CHN2: variants seen among roughly 807,000 people sequenced by gnomAD.
CHN2 encodes chimerin 2, also known as beta-chimaerin.
In CHN2, 35 loss-of-function variants were observed where a neutral mutation model predicts 56.3. The ratio of observed to expected loss-of-function variants is 0.62; its 90% CI spans 0.47 to 0.82. The LOEUF (loss-of-function observed/expected upper bound fraction) is 0.82. Among genes scored for constraint, CHN2 ranks in the 40% least tolerant of loss-of-function variants. CHN2 has a pLI of 0.00. For synonymous variants in CHN2, 210 were observed against 212.8 expected, an observed-to-expected ratio of 0.99 and a Z score of 0.12; for missense variants, 491 against 580.5, an observed-to-expected ratio of 0.85 and a Z score of 1.58.
intron 2 of CHN2, among the ~76,000 whole-genome samples, chr7:29,155,986 T>C (rs1480124019): frequency 6.6e-6 from 1 of 152,230 alleles, no homozygotes; most frequent in African/African-American, 2.4e-5. Context: ...CCTTGGGCTG[T>C]TAGTGAGAAA....
intron 2 of CHN2, among the ~76,000 whole-genome samples, chr7:29,165,664 G>A (rs1317449322): frequency 6.6e-6 from 1 of 152,196 alleles, no homozygotes; most frequent in Non-Finnish European, 1.5e-5. Flanking sequence ...TCACCATTAG[G>A]TGAGGTGTTA....
chr7:29,454,815 G>A (rs530804471), intron 6 of CHN2, among the ~76,000 whole-genome samples: 6 of 152,250 alleles, frequency 3.9e-5, no homozygotes, highest in South Asian at 2.1e-4. Flanking sequence ...TCACAGAAAC[G>A]CATGCTTAAA....
intron 2 of CHN2, among the ~76,000 whole-genome samples, chr7:29,366,120 A>G (rs2128038795): frequency 6.6e-6 from 1 of 152,290 alleles, no homozygotes; most frequent in South Asian, 2.1e-4. Context: ...TCAACTTTTG[A>G]CATGTTGAAG....
intron 2 of CHN2, among the ~76,000 whole-genome samples, chr7:29,361,741 A>G (rs185279347): frequency 1.8e-4 from 27 of 152,338 alleles, no homozygotes; most frequent in African/African-American, 5.8e-4. Flanking sequence ...CTGTCCAGAA[A>G]TGTTCCATCA....
intron 1 of CHN2, among the ~76,000 whole-genome samples, chr7:29,283,143 G>A (rs1417370371): frequency 6.6e-6 from 1 of 152,152 alleles, no homozygotes; most frequent in Admixed American, 6.5e-5. Flanking sequence ...TCAGTCCTGG[G>A]AATACCGTGT....
At chr7:29,282,800 G>A (rs1025130988) in intron 1 of CHN2, among the ~76,000 whole-genome samples, 4 of 152,152 alleles carry the variant, frequency 2.6e-5, no homozygotes, top group Non-Finnish European at 5.9e-5. Context: ...TCACGCGACA[G>A]AGAAAGACAT....
intron 7 of CHN2, among the ~76,000 whole-genome samples, chr7:29,482,638 A>T (rs901453890): frequency 6.6e-6 from 1 of 151,700 alleles, no homozygotes; most frequent in African/African-American, 2.4e-5. Flanking sequence ...TTAACTTCTA[A>T]TGGGCTTTAT....
chr7:29,213,050 GC>G, intron 1 of CHN2: 1 of 1,607,856 alleles, frequency 6.2e-7, no homozygotes, highest in Non-Finnish European at 8.5e-7. Flanking sequence ...CTGCAGTCCT[GC>G]ATGCAGTTCC....
At chr7:29,512,264 C>T (rs546158592) in intron 12 of CHN2, among the ~76,000 whole-genome samples, 138 of 151,920 alleles carry the variant, frequency 9.1e-4, no homozygotes, top group South Asian at 4.0e-3. Flanking sequence ...AACCAGTATT[C>T]CTCAAATGAT....
chr7:29,468,069 T>C (rs1785686103), intron 6 of CHN2, among the ~76,000 whole-genome samples: 1 of 148,974 alleles, frequency 6.7e-6, no homozygotes, highest in African/African-American at 2.5e-5. Flanking sequence ...TAGGTCATTA[T>C]AGGTCATATC....
At chr7:29,186,562 TGAAAGGAAAG>T (rs143140699) in intron 2 of CHN2, 7 of 130,352 alleles carry the variant, frequency 5.4e-5, no homozygotes, top group Non-Finnish European at 9.5e-5. Context: ...GTGACAGAGA[TGAAAGGAAAG>T]GAAAGGAAAG....
chr7:29,221,658 A>G (rs1209026266), intron 1 of CHN2, among the ~76,000 whole-genome samples: 1 of 152,036 alleles, frequency 6.6e-6, no homozygotes, highest in East Asian at 1.9e-4. Context: ...TTCCCCACAT[A>G]TGGCAATGTG....
chr7:29,449,103 ATTAAG>A (rs1441909925), intron 6 of CHN2, among the ~76,000 whole-genome samples: 1 of 152,240 alleles, frequency 6.6e-6, no homozygotes, highest in Non-Finnish European at 1.5e-5. Context: ...ACTTTGCAGC[ATTAAG>A]TTATTTGCCG....
At chr7:29,324,479 C>G (rs1017206933) in intron 1 of CHN2, among the ~76,000 whole-genome samples, 1 of 152,286 alleles carries the variant, frequency 6.6e-6, no homozygotes, top group East Asian at 1.9e-4. Context: ...TCAGCTGTTA[C>G]AATTTTTCTC....
In CHN2 at chr7:29,512,571, A is replaced by AT; in HGVS notation, c.1244dup (p.Met415IlefsTer3). ...TATATGTTTGTTTTGCAGGGTTACT[A>AT]TGAATGAAAAAGACAATTTCATGAA... On this transcript the variant is annotated frameshift_variant, in exon 13 of 13. Coordinates refer to ENST00000222792, the MANE Select transcript of CHN2 (RefSeq NM_004067.4). LOFTEE classifies it high-confidence loss of function. 2 of 1,612,134 alleles carry AT rather than the reference A, an allele frequency of 1.2e-6. No homozygotes were observed. The highest frequency in any genetic ancestry group is 1.7e-6 in the Non-Finnish European group (2 of 1,179,346).
intron 1 of CHN2, among the ~76,000 whole-genome samples, chr7:29,205,833 C>G (rs1010054057): frequency 6.6e-6 from 1 of 152,110 alleles, no homozygotes; most frequent in African/African-American, 2.4e-5. Flanking sequence ...AAAAATTATA[C>G]ACATTTTACG....
At chr7:29,230,258 A>G (rs1324817217) in intron 1 of CHN2, among the ~76,000 whole-genome samples, 1 of 152,222 alleles carries the variant, frequency 6.6e-6, no homozygotes, top group Non-Finnish European at 1.5e-5. Context: ...ATTTCTAGGG[A>G]CGCACATGGT....
At chr7:29,468,615 C>T (rs1239127725) in intron 6 of CHN2, among the ~76,000 whole-genome samples, 2 of 152,076 alleles carry the variant, frequency 1.3e-5, no homozygotes, top group African/African-American at 2.4e-5. Flanking sequence ...CTTGGCTCCC[C>T]GGTACTCCCA....
At chr7:29,355,666 C>A (rs1336125795) in intron 2 of CHN2, among the ~76,000 whole-genome samples, 1 of 151,540 alleles carries the variant, frequency 6.6e-6, no homozygotes, top group Non-Finnish European at 1.5e-5. Context: ...GCATTCCTAA[C>A]GAAGCTGCCA....
Sources: allele counts gnomAD v4.1 joint callset (sites outside exome capture counted in the v4.1 genomes callset), GRCh38; gene constraint gnomAD v4.1.1; transcripts MANE v1.5; gene names NCBI Gene and HGNC (gene_info 2026-07-23, HGNC 2026-07-21).